GALNT10: variants seen among roughly 807,000 people sequenced by gnomAD.
The protein encoded by GALNT10 is GalNAc transferase 10.
In GALNT10, 41 loss-of-function variants were observed where a neutral mutation model predicts 75.0. The observed-to-expected ratio is 0.55, with a 90% confidence interval of 0.43 to 0.71. The LOEUF (loss-of-function observed/expected upper bound fraction) is 0.71. GALNT10 is among the 30% of genes least tolerant of loss of function. GALNT10 has a pLI of 0.00. For synonymous variants in GALNT10, 302 were observed against 313.0 expected (o/e 0.96, Z 0.37); for missense variants, 727 against 818.5 (o/e 0.89, Z 1.36).
intron 8 of GALNT10, among the ~76,000 whole-genome samples, chr5:154,407,347 A>T (rs1756302363): frequency 6.6e-6 from 1 of 152,220 alleles, no homozygotes; most frequent in African/African-American, 2.4e-5. Context: ...GTGTAAAGTC[A>T]TTTCCTTTGG....
chr5:154,208,626 G>C (rs1043386685), intron 1 of GALNT10, among the ~76,000 whole-genome samples: 4 of 152,164 alleles, frequency 2.6e-5, no homozygotes, highest in Admixed American at 2.6e-4. Context: ...ATACCCTTAG[G>C]ATTACAGGTC....
chr5:154,244,828 C>A (rs1218257998), intron 1 of GALNT10, among the ~76,000 whole-genome samples: 2 of 152,160 alleles, frequency 1.3e-5, no homozygotes, highest in African/African-American at 4.8e-5. Context: ...GTTTTCTAGG[C>A]AAATGGAGGT....
chr5:154,366,063 T>C (rs1253534202), intron 4 of GALNT10, among the ~76,000 whole-genome samples: 1 of 152,226 alleles, frequency 6.6e-6, no homozygotes, highest in Non-Finnish European at 1.5e-5. Context: ...TTGTTTGCTG[T>C]TTTAGACAAT....
intron 1 of GALNT10, among the ~76,000 whole-genome samples, chr5:154,235,177 C>T (rs1053737499): frequency 6.6e-6 from 1 of 152,172 alleles, no homozygotes; most frequent in Admixed American, 6.5e-5. Flanking sequence ...AAGCCCAGCA[C>T]CATTGCCACA....
At chr5:154,374,970 T>C (rs1380344029) in intron 4 of GALNT10, among the ~76,000 whole-genome samples, 2 of 152,240 alleles carry the variant, frequency 1.3e-5, no homozygotes, top group African/African-American at 4.8e-5. Flanking sequence ...GTTTAAAGTT[T>C]CCTTTTAAAA....
At chr5:154,247,022 C>A (rs1476022246) in intron 1 of GALNT10, among the ~76,000 whole-genome samples, 11 of 152,122 alleles carry the variant, frequency 7.2e-5, no homozygotes, top group Non-Finnish European at 1.0e-4. Flanking sequence ...TCAGCTTTCT[C>A]CATATGGCTA....
At chr5:154,380,735 G>A in intron 6 of GALNT10, 104 bp downstream of exon 6, 1 of 729,212 alleles carries the variant, frequency 1.4e-6, no homozygotes, top group South Asian at 1.9e-5. Flanking sequence ...CAATGCAGAG[G>A]GTCCAGCTTC....
intron 2 of GALNT10, among the ~76,000 whole-genome samples, chr5:154,296,766 T>G (rs1754280873): frequency 6.6e-6 from 1 of 152,226 alleles, no homozygotes; most frequent in Admixed American, 6.5e-5. Context: ...ACTGCCCTTC[T>G]GAAGCTTCCC....
At chr5:154,236,735 T>G (rs1753252494) in intron 1 of GALNT10, among the ~76,000 whole-genome samples, 2 of 152,190 alleles carry the variant, frequency 1.3e-5, no homozygotes, top group Admixed American at 6.5e-5. Flanking sequence ...GCACTTTGAT[T>G]CTCATAACAG....
At chr5:154,393,311 C>G (rs1453805117) in intron 7 of GALNT10, among the ~76,000 whole-genome samples, 1 of 152,076 alleles carries the variant, frequency 6.6e-6, no homozygotes, top group Admixed American at 6.5e-5. Context: ...TGGCCTCAAG[C>G]AGTCTTCCTG....
chr5:154,371,103 T>G (rs1250449790), intron 4 of GALNT10, among the ~76,000 whole-genome samples: 3 of 152,172 alleles, frequency 2.0e-5, no homozygotes, highest in Non-Finnish European at 4.4e-5. Context: ...TCGGGAGGAT[T>G]CCATGCCTGT....
At chr5:154,353,299 C>CA (rs1755239398) in intron 4 of GALNT10, among the ~76,000 whole-genome samples, 1 of 152,126 alleles carries the variant, frequency 6.6e-6, no homozygotes, top group Admixed American at 6.5e-5. Flanking sequence ...CCACCCCCCG[C>CA]AAAACGACCT....
intron 4 of GALNT10, among the ~76,000 whole-genome samples, chr5:154,354,257 A>G (rs934431960): frequency 2.0e-5 from 3 of 152,234 alleles, no homozygotes; most frequent in Admixed American, 2.0e-4. Flanking sequence ...AGACTAAGGC[A>G]GGATTAAGTC....
intron 7 of GALNT10, among the ~76,000 whole-genome samples, chr5:154,401,977 TC>T (rs1009817175): frequency 6.6e-6 from 1 of 152,012 alleles, no homozygotes; most frequent in Non-Finnish European, 1.5e-5. Context: ...TCCAGCTGTG[TC>T]CCCCCATCGC....
chr5:154,387,265 C>A (rs1300534246), intron 7 of GALNT10: 1 of 152,228 alleles, frequency 6.6e-6, no homozygotes, highest in Non-Finnish European at 1.5e-5. Context: ...AGGCTACATT[C>A]TCCACTTTAT....
At chr5:154,245,426 C>T (rs576623161) in intron 1 of GALNT10, among the ~76,000 whole-genome samples, 1 of 152,224 alleles carries the variant, frequency 6.6e-6, no homozygotes, top group East Asian at 1.9e-4. Context: ...GGGTACTACC[C>T]CTGTAAGCTT....
intron 1 of GALNT10, among the ~76,000 whole-genome samples, chr5:154,283,371 C>G (rs1284128085): frequency 6.6e-6 from 1 of 150,698 alleles, no homozygotes; most frequent in Non-Finnish European, 1.5e-5. Context: ...ATTGCTTGAG[C>G]CCAGGAGGTC....
intron 5 of GALNT10, among the ~76,000 whole-genome samples, chr5:154,379,556 G>A (rs1014960401): frequency 1.3e-5 from 2 of 152,232 alleles, no homozygotes; most frequent in African/African-American, 2.4e-5. Context: ...TCCCACAGCA[G>A]ATTGTCTGAC....
At chr5:154,329,772 G>A (rs760283079) in intron 4 of GALNT10, 34 bp downstream of exon 4, 6 of 1,538,904 alleles carry the variant, frequency 3.9e-6, no homozygotes, top group Non-Finnish European at 5.4e-6. Context: ...CCCACCCTCT[G>A]TGCTTCATCT....
Sources: allele counts gnomAD v4.1 joint callset (sites outside exome capture counted in the v4.1 genomes callset), GRCh38; gene constraint gnomAD v4.1.1; transcripts MANE v1.5; gene names NCBI Gene and HGNC (gene_info 2026-07-23, HGNC 2026-07-21).